The following ZNF609 variants were observed in gnomAD, a reference collection of about 807,000 sequenced individuals.
ZNF609 encodes the protein zinc finger protein 609.
Under a neutral mutation model 109.5 loss-of-function variants are expected in ZNF609, and 11 were observed. The observed-to-expected ratio is 0.10, with a 90% CI of 0.06 to 0.17. The LOEUF (loss-of-function observed/expected upper bound fraction) is 0.17. Among genes scored for constraint, ZNF609 ranks in the 10% least tolerant of loss-of-function variants. ZNF609 has a pLI of 1.00. For synonymous variants in ZNF609, 646 were observed against 662.0 expected (o/e 0.98, Z 0.37); for missense variants, 1,559 against 1,772.4 (o/e 0.88, Z 2.16).
intron 2 of ZNF609, among the ~76,000 whole-genome samples, chr15:64,604,977 G>T (rs773776042): frequency 6.6e-6 from 1 of 152,156 alleles, no homozygotes; most frequent in South Asian, 2.1e-4. Context: ...GATTCCAGGT[G>T]CCCGCCACCA....
At chr15:64,525,616 G>A (rs1893958196) in intron 2 of ZNF609, among the ~76,000 whole-genome samples, 1 of 152,162 alleles carries the variant, frequency 6.6e-6, no homozygotes, top group Non-Finnish European at 1.5e-5. Flanking sequence ...AAGCAGGCTA[G>A]GATTTTGATG....
intron 2 of ZNF609, among the ~76,000 whole-genome samples, chr15:64,517,050 T>G (rs775644458): frequency 2.6e-5 from 4 of 152,216 alleles, no homozygotes; most frequent in Non-Finnish European, 4.4e-5. Flanking sequence ...TTTAAGCTTC[T>G]TGCTTTAAAA....
intron 2 of ZNF609, among the ~76,000 whole-genome samples, chr15:64,518,080 T>C (rs1893839697): frequency 6.6e-6 from 1 of 152,130 alleles, no homozygotes; most frequent in Admixed American, 6.5e-5. Flanking sequence ...TCGTGCTGGG[T>C]TCCTGGAGTT....
intron 2 of ZNF609, among the ~76,000 whole-genome samples, chr15:64,612,548 G>T (rs1426642102): frequency 6.6e-6 from 1 of 150,706 alleles, no homozygotes; most frequent in Non-Finnish European, 1.5e-5. Flanking sequence ...AGATATTTTG[G>T]AAATTAACCA....
At position 64,479,604 on chromosome 15, in the gene ZNF609, T is replaced by A. The variant is rs1004105315; in HGVS notation, c.-128+18766T>A. 8.5e-5 allele frequency among the ~76,000 whole-genome samples: 13 copies of A among 152,054 alleles called. No individual in the cohort carries two copies. In the South Asian group the frequency reaches 1.7e-3, roughly 19 times the overall value. On this transcript the variant is annotated intron_variant, in intron 1 of 9. Transcript: ENST00000326648. ...CCGCGCCTGGCCCGTACCTGTGTGATCTTAAGCATTTGATTTATTTAAAAG... is the reference window on the plus strand; with the variant it reads ...CCGCGCCTGGCCCGTACCTGTGTGAACTTAAGCATTTGATTTATTTAAAAG...
chr15:64,494,361 T>G lies in ZNF609; in HGVS notation c.-127-4932T>G, dbSNP rs529602620. 1.4e-3 allele frequency among the ~76,000 whole-genome samples: 215 copies of G among 152,330 alleles called. 6 individuals are homozygous for G. In the South Asian group the frequency reaches 0.044, roughly 31 times the overall value. On this transcript the variant is annotated intron_variant, in intron 1 of 9. Coordinates refer to ENST00000326648, the MANE Select transcript of ZNF609 (RefSeq NM_015042.2). ...TTATGCTTTTTCTGCTTAAATACTTTCAGTAAAATAGACATTAAACATTGT... is the reference window on the plus strand; with the variant it reads ...TTATGCTTTTTCTGCTTAAATACTTGCAGTAAAATAGACATTAAACATTGT...
In ZNF609 at chr15:64,680,782, G is replaced by A. The variant is rs142970708; in HGVS notation, c.4082G>A (p.Arg1361His). 6 of 1,613,442 alleles carry A rather than the reference G, an allele frequency of 3.7e-6. No individual in the cohort carries two copies. Among genetic ancestry groups the A allele is most frequent in the East Asian group, 2.2e-5 (1 of 44,886 alleles). The stretch of plus-strand genomic sequence containing the variant: ...CGGCCCCGCACCTCTCCTTCCCAGC[G>A]CCTGATGTCCACACACCACCACCAC... ...VDRPRTSPSQ[R>H]LMSTHHHHHH... is the part of the protein sequence containing the mutation. Residue 1361 changes from arginine (R) to histidine (H), a missense_variant, in exon 8 of 10, where the codon CGC becomes CAC. By Grantham distance (29) the Arg-to-His change is conservative. This residue lies in a region of ZNF609 where 1,204 missense variants were observed against 1,314.1 expected (regional missense o/e 0.92). Coordinates refer to ENST00000326648, the MANE Select transcript of ZNF609 (RefSeq NM_015042.2).
intron 1 of ZNF609, among the ~76,000 whole-genome samples, chr15:64,480,543 C>CA (rs1005034805): frequency 6.7e-6 from 1 of 149,692 alleles, no homozygotes; most frequent in Non-Finnish European, 1.5e-5. Flanking sequence ...AAAAAAAAAA[C>CA]AAAAAAAGTG....
chr15:64,664,869 C>T (rs575207442), intron 3 of ZNF609, among the ~76,000 whole-genome samples: 7 of 152,276 alleles, frequency 4.6e-5, no homozygotes, highest in African/African-American at 1.7e-4. Flanking sequence ...AACATGTGTT[C>T]CCACCCAGCT....
chr15:64,575,240 C>A (rs556796453), intron 2 of ZNF609, among the ~76,000 whole-genome samples: 21 of 152,222 alleles, frequency 1.4e-4, no homozygotes, highest in African/African-American at 4.8e-4. Context: ...GCCTAACCAA[C>A]ATGGAGAAAC....
At chr15:64,494,817 G>A (rs964922405) in intron 1 of ZNF609, among the ~76,000 whole-genome samples, 1 of 152,084 alleles carries the variant, frequency 6.6e-6, no homozygotes, top group Admixed American at 6.6e-5. Context: ...GAGCCACCTT[G>A]CCTGGCATCA....
At chr15:64,484,591 G>A (rs1229870558) in intron 1 of ZNF609, among the ~76,000 whole-genome samples, 2 of 142,310 alleles carry the variant, frequency 1.4e-5, no homozygotes, top group Admixed American at 7.6e-5. Context: ...CAGGAGAATC[G>A]TTTGAACCTG....
At chr15:64,610,656 T>TAA (rs1257612868) in intron 2 of ZNF609, among the ~76,000 whole-genome samples, 1 of 152,052 alleles carries the variant, frequency 6.6e-6, no homozygotes, top group Non-Finnish European at 1.5e-5. Context: ...TCTAAAATAA[T>TAA]AATTTTTTTT....
At chr15:64,508,710 A>G (rs150459912) in intron 2 of ZNF609, among the ~76,000 whole-genome samples, 509 of 139,270 alleles carry the variant, frequency 3.7e-3, no homozygotes, top group Middle Eastern at 7.9e-3. Flanking sequence ...TTTTTTTGAG[A>G]CAGGGTCTCA....
At chr15:64,662,948 T>G (rs1421828171) in intron 3 of ZNF609, among the ~76,000 whole-genome samples, 1 of 152,214 alleles carries the variant, frequency 6.6e-6, no homozygotes, top group African/African-American at 2.4e-5. Flanking sequence ...ATTACAGGCA[T>G]GAGCCACCGT....
intron 1 of ZNF609, among the ~76,000 whole-genome samples, chr15:64,469,972 C>T (rs943219643): frequency 3.3e-4 from 51 of 152,280 alleles, no homozygotes; most frequent in African/African-American, 1.1e-3. Flanking sequence ...CTAAATTGGA[C>T]TGATTATGGA....
intron 2 of ZNF609, among the ~76,000 whole-genome samples, chr15:64,507,111 GCTT>G (rs769785071): frequency 2.6e-5 from 4 of 152,152 alleles, no homozygotes; most frequent in Non-Finnish European, 5.9e-5. Flanking sequence ...TATGAATCGA[GCTT>G]CTTTTCTGGC....
At chr15:64,496,010 G>A (rs1893477657) in intron 1 of ZNF609, among the ~76,000 whole-genome samples, 1 of 151,928 alleles carries the variant, frequency 6.6e-6, no homozygotes, top group Non-Finnish European at 1.5e-5. Context: ...GTAGAGATGA[G>A]GTTTCACCAT....
intron 1 of ZNF609, among the ~76,000 whole-genome samples, chr15:64,493,122 T>C (rs1417256909): frequency 6.6e-6 from 1 of 152,072 alleles, no homozygotes; most frequent in Non-Finnish European, 1.5e-5. Context: ...GGATTATCTG[T>C]GGGTAGTTAC....
Sources: allele counts gnomAD v4.1 joint callset (sites outside exome capture counted in the v4.1 genomes callset), GRCh38; gene constraint gnomAD v4.1.1; regional missense constraint gnomAD v4.1.1; transcripts MANE v1.5; gene names NCBI Gene and HGNC (gene_info 2026-07-23, HGNC 2026-07-21).